Variants in ATRNL1 observed in about 807,000 individuals in gnomAD.
ATRNL1 encodes attractin like 1, also known as attractin-like protein 1.
A neutral mutation model predicts 182.7 loss-of-function variants in ATRNL1; 95 were observed. The observed-to-expected ratio is 0.52, with a 90% CI of 0.44 to 0.62. ATRNL1 has a LOEUF of 0.62. Ranked by LOEUF, ATRNL1 falls within the 20% of genes least tolerant of loss-of-function variation. The pLI is 0.00. For missense variants in ATRNL1, 1,471 were observed against 1,679.5 expected (o/e 0.88, Z 2.17); for synonymous variants, 576 against 568.3 (o/e 1.01, Z -0.19).
intron 26 of ATRNL1, among the ~76,000 whole-genome samples, chr10:115,617,187 G>T (rs76242628): frequency 0.02 from 3,024 of 152,308 alleles, 98 homozygotes; most frequent in African/African-American, 0.069. Flanking sequence ...GAAACATGCA[G>T]TCAAGGGATA....
At chr10:115,688,826 CT>C (rs1946301542) in intron 26 of ATRNL1, among the ~76,000 whole-genome samples, 1 of 151,964 alleles carries the variant, frequency 6.6e-6, no homozygotes, top group Admixed American at 6.6e-5. Context: ...ATTATCCCCC[CT>C]TTTTTATGAT....
At chr10:115,303,473 G>A (rs946348651) in intron 17 of ATRNL1, among the ~76,000 whole-genome samples, 10 of 151,970 alleles carry the variant, frequency 6.6e-5, no homozygotes, top group African/African-American at 2.4e-4. Flanking sequence ...CACCCAGCTC[G>A]GCCTCCCAAA....
intron 26 of ATRNL1, among the ~76,000 whole-genome samples, chr10:115,698,701 C>T (rs979597734): frequency 1.3e-5 from 2 of 151,858 alleles, no homozygotes; most frequent in East Asian, 1.9e-4. Context: ...TCACTTGAAC[C>T]TGCGAGGCAG....
At chr10:115,206,786 A>G (rs1431110368) in intron 8 of ATRNL1, among the ~76,000 whole-genome samples, 1 of 152,096 alleles carries the variant, frequency 6.6e-6, no homozygotes, top group Non-Finnish European at 1.5e-5. Flanking sequence ...TGCTGCACCC[A>G]TCAACTCGTC....
In ATRNL1 at chr10:115,549,440, T is replaced by C; in HGVS notation, c.3717-18T>C. On this transcript the variant is annotated intron_variant, in intron 25 of 28. Transcript: ENST00000355044. Reference sequence around the variant, plus strand: ...CAAATAAGTTTTGAGCAAAAATTATTTGTGTTTTATTTTCCAGTTGTTTCC... The same window carrying C: ...CAAATAAGTTTTGAGCAAAAATTATCTGTGTTTTATTTTCCAGTTGTTTCC... 2.5e-6 allele frequency: 4 copies of C among 1,572,306 alleles called. No individual in the cohort carries two copies. Among genetic ancestry groups the C allele is most frequent in the Non-Finnish European group, 3.5e-6 (4 of 1,158,956 alleles).
chr10:115,414,506 C>T (rs1554960512), intron 20 of ATRNL1, among the ~76,000 whole-genome samples: 1 of 151,720 alleles, frequency 6.6e-6, no homozygotes, highest in Non-Finnish European at 1.5e-5. Context: ...TTTCCTTTCC[C>T]ATTCTTATTG....
chr10:115,754,093 T>C (rs1424595391), intron 27 of ATRNL1, among the ~76,000 whole-genome samples: 2 of 152,194 alleles, frequency 1.3e-5, no homozygotes, highest in African/African-American at 4.8e-5. Context: ...GATGGATAGA[T>C]TGCAGAAATT....
intron 9 of ATRNL1, among the ~76,000 whole-genome samples, chr10:115,223,965 T>C (rs1183957269): frequency 8.0e-6 from 1 of 124,392 alleles, no homozygotes; most frequent in East Asian, 2.4e-4. Flanking sequence ...AGACAGACTC[T>C]CACTCCGTCA....
chr10:115,226,314 CAG>C (rs1554898665), intron 9 of ATRNL1, among the ~76,000 whole-genome samples: 1 of 151,828 alleles, frequency 6.6e-6, no homozygotes, highest in African/African-American at 2.4e-5. Context: ...TAGAAGATAA[CAG>C]AGGCAAATAT....
chr10:115,660,729 G>C (rs1309175009), intron 26 of ATRNL1, among the ~76,000 whole-genome samples: 1 of 152,084 alleles, frequency 6.6e-6, no homozygotes, highest in South Asian at 2.1e-4. Context: ...TGAGAAAGTA[G>C]AGTGAGTAAA....
intron 19 of ATRNL1, among the ~76,000 whole-genome samples, chr10:115,384,673 T>A (rs1036999250): frequency 4.1e-4 from 62 of 151,996 alleles, no homozygotes; most frequent in Non-Finnish European, 1.2e-4. Flanking sequence ...TTAAACATTT[T>A]AAAAATCTAC....
chr10:115,909,595 T>G (rs1165214576), intron 28 of ATRNL1: 1 of 145,616 alleles, frequency 6.9e-6, no homozygotes, highest in Non-Finnish European at 1.5e-5. Flanking sequence ...TCATGGTTTT[T>G]TTTCTTTTTT....
chr10:115,528,465 T>G (rs535423988), intron 25 of ATRNL1, among the ~76,000 whole-genome samples: 2 of 152,266 alleles, frequency 1.3e-5, no homozygotes, highest in Admixed American at 6.5e-5. Context: ...GAATTGGCAG[T>G]AATGACCCGA....
At position 115,482,534 on chromosome 10, in the gene ATRNL1, G is replaced by A. The variant is rs1173162588; in HGVS notation, c.3654+13205G>A. Among the ~76,000 whole-genome samples the A allele has an allele frequency of 2.7e-5, 4 of 148,656 alleles. No homozygotes were observed. In the East Asian group the frequency reaches 7.9e-4, roughly 29 times the overall value. On this transcript the variant is annotated intron_variant, in intron 24 of 28. Transcript: ENST00000355044. Reference sequence around the variant, plus strand: ...GTTTCTCCTTATTTTGTACTTTGATGATTGGATAAACAAATATAATAATTT... The same window carrying A: ...GTTTCTCCTTATTTTGTACTTTGATAATTGGATAAACAAATATAATAATTT...
chr10:115,161,374 G>A (rs1554883228), intron 6 of ATRNL1, among the ~76,000 whole-genome samples: 1 of 151,916 alleles, frequency 6.6e-6, no homozygotes, highest in African/African-American at 2.4e-5. Context: ...AAGAGAGTTG[G>A]TGGGATTAAA....
chr10:115,436,069 A>G (rs1846391388), intron 21 of ATRNL1, among the ~76,000 whole-genome samples: 1 of 152,156 alleles, frequency 6.6e-6, no homozygotes, highest in South Asian at 2.1e-4. Flanking sequence ...ATTATCAAGT[A>G]AAAGTTGCTT....
chr10:115,177,912 G>GT (rs1410691720), intron 8 of ATRNL1, among the ~76,000 whole-genome samples: 1,353 of 71,012 alleles, frequency 0.019, 29 homozygotes, highest in African/African-American at 0.057. Flanking sequence ...TGTTTTTTTT[G>GT]TTTTTTTTTT....
At chr10:115,201,757 A>G (rs1848589212) in intron 8 of ATRNL1, among the ~76,000 whole-genome samples, 1 of 151,990 alleles carries the variant, frequency 6.6e-6, no homozygotes, top group African/African-American at 2.4e-5. Context: ...GTTTTTTCCA[A>G]TTCTGTGAAG....
chr10:115,869,954 G>A (rs1004384818), intron 28 of ATRNL1, among the ~76,000 whole-genome samples: 4 of 84,996 alleles, frequency 4.7e-5, no homozygotes, highest in Non-Finnish European at 9.0e-5. Context: ...TATTTATGTT[G>A]TTCCCAGACC....
Sources: allele counts gnomAD v4.1 joint callset (sites outside exome capture counted in the v4.1 genomes callset), GRCh38; gene constraint gnomAD v4.1.1; transcripts MANE v1.5; gene names NCBI Gene and HGNC (gene_info 2026-07-23, HGNC 2026-07-21).